The following CAST variants were observed in gnomAD, a reference collection of about 807,000 sequenced individuals.
The protein encoded by CAST is calpastatin.
In CAST, 76 loss-of-function variants were observed where a neutral mutation model predicts 119.6. That is an observed-to-expected ratio of 0.64 (90% CI 0.53 to 0.77). The LOEUF is 0.77. Ranked by LOEUF, CAST falls within the 30% of genes least tolerant of loss-of-function variation. The probability of loss-of-function intolerance (pLI) is 0.00; values close to 1 mark genes in which losing one functional copy is unlikely to be tolerated. For missense variants in CAST, 953 were observed against 946.5 expected (o/e 1.01, Z -0.09); for synonymous variants, 319 against 331.6 (o/e 0.96, Z 0.41).
chr5:96,463,402 T>A, the CAST span, among the ~76,000 whole-genome samples: 1 of 152,052 alleles, frequency 6.6e-6, no homozygotes, highest in African/African-American at 2.4e-5. Flanking sequence ...GCATTTCAAA[T>A]TCTCAAAGTT....
chr5:96,741,572 G>A lies in CAST; in HGVS notation c.1090G>A (p.Val364Met). Residue 364 changes from valine (V) to methionine (M), a missense_variant, in exon 15 of 32, where the codon GTG becomes ATG. Coordinates refer to ENST00000675179, the MANE Select transcript of CAST (RefSeq NM_001750.7). ...TCCACCCCAAGAGAAGAAAAGAAAG[G>A]TGGAGAAGGTATAGTCACAGTCTAC... ...AAPPQEKKRK[V>M]EKDTMSDQAL... The A allele has an allele frequency of 6.2e-7, 1 of 1,611,008 alleles. No homozygotes were observed.
the CAST span, among the ~76,000 whole-genome samples, chr5:96,366,762 G>A: frequency 2.6e-5 from 4 of 152,080 alleles, no homozygotes; most frequent in South Asian, 2.1e-4. Context: ...GCTTCTTTAC[G>A]ATGGGTTCAA....
At position 96,722,661 on chromosome 5, in the gene CAST, C is replaced by T. The variant is rs754744258; in HGVS notation, c.233C>T (p.Thr78Ile). Residue 78 changes from threonine (T) to isoleucine (I), a missense_variant, in exon 4 of 32, where the codon ACC becomes ATC. Physicochemically the swap from Thr to Ile is moderately conservative, Grantham distance 89 (BLOSUM62 -1). Transcript: ENST00000675179. The part of the protein sequence containing the change: ...ATKVSASSGA[T>I]SKSSSMNPTE... ...TAGGTGTCAGCTTCCTCTGGTGCAA[C>T]CAGCAAGTCTTCCAGTATGAATCCC... 4.3e-6 allele frequency: 7 copies of T among 1,613,300 alleles called. No individual in the cohort carries two copies. Among genetic ancestry groups the T allele is most frequent in the Non-Finnish European group, 5.1e-6 (6 of 1,179,220 alleles).
Position 96,741,318 on chromosome 5 carries a change from G to C in CAST, c.971G>C (p.Cys324Ser). The C allele has an allele frequency of 1.2e-6, 2 of 1,613,496 alleles. No homozygotes were observed. The highest frequency in any genetic ancestry group is 1.3e-5 in the African/African-American group (1 of 75,018). ...GACGCCTTGTCATCTGACTTCACCTGTGGGTCGCCTACAGCTGCTGGAAAG... is the reference window on the plus strand; with the variant it reads ...GACGCCTTGTCATCTGACTTCACCTCTGGGTCGCCTACAGCTGCTGGAAAG... ...AIDALSSDFT[C>S]GSPTAAGKKT... The change falls in exon 14 of 32, where the codon TGT becomes TCT. Residue 324 changes from cysteine to serine, a missense_variant. Physicochemically the swap from Cys to Ser is moderately radical, Grantham distance 112. Transcript: ENST00000675179.
chr5:96,315,856 T>A, the CAST span, among the ~76,000 whole-genome samples: 1 of 152,102 alleles, frequency 6.6e-6, no homozygotes, highest in African/African-American at 2.4e-5. Flanking sequence ...ATGGCCATGC[T>A]GGAGTAGTCA....
chr5:96,046,822 T>A, the CAST span, among the ~76,000 whole-genome samples: 1 of 152,262 alleles, frequency 6.6e-6, no homozygotes, highest in East Asian at 1.9e-4. Context: ...AGGCACTTCT[T>A]ACGTGGCAGC....
At chr5:96,391,490 G>A in the CAST span, 2 of 152,184 alleles carry the variant, frequency 1.3e-5, no homozygotes, top group African/African-American at 4.8e-5. Flanking sequence ...GATCATCCAG[G>A]TGAGGTGAGA....
the CAST span, among the ~76,000 whole-genome samples, chr5:96,219,938 G>C: frequency 1.3e-5 from 2 of 152,178 alleles, no homozygotes; most frequent in African/African-American, 4.8e-5. Context: ...CTGTACAAAG[G>C]TTTTAAGGTC....
At chr5:96,312,073 T>C in the CAST span, among the ~76,000 whole-genome samples, 12 of 152,212 alleles carry the variant, frequency 7.9e-5, no homozygotes, top group Middle Eastern at 3.4e-3. Flanking sequence ...TATTTTTGTT[T>C]TGTTTGTCTC....
chr5:96,366,221 T>C, the CAST span, among the ~76,000 whole-genome samples: 5 of 152,342 alleles, frequency 3.3e-5, no homozygotes, highest in South Asian at 8.3e-4. Context: ...GGGCTTCCCT[T>C]TGTGGGTAAT....
the CAST span, chr5:96,392,938 C>G: frequency 6.4e-7 from 1 of 1,550,898 alleles, no homozygotes; most frequent in Non-Finnish European, 8.9e-7. Flanking sequence ...ACTTCAGACA[C>G]AGGCAAAATC....
the CAST span, among the ~76,000 whole-genome samples, chr5:96,020,817 C>A: frequency 1.3e-5 from 1 of 75,330 alleles, no homozygotes; most frequent in Non-Finnish European, 2.6e-5. Flanking sequence ...CCCAAACCAT[C>A]CCCCACCCCC....
chr5:96,463,416 T>G, the CAST span, among the ~76,000 whole-genome samples: 1 of 152,038 alleles, frequency 6.6e-6, no homozygotes, highest in Non-Finnish European at 1.5e-5. Flanking sequence ...CAAAGTTAAC[T>G]TTGAGAGCAC....
At chr5:96,066,731 C>G in the CAST span, among the ~76,000 whole-genome samples, 2 of 151,990 alleles carry the variant, frequency 1.3e-5, no homozygotes, top group Admixed American at 6.5e-5. Flanking sequence ...GTGATCATAC[C>G]TTACTGCAAG....
chr5:96,428,965 T>A, the CAST span, among the ~76,000 whole-genome samples: 1 of 152,138 alleles, frequency 6.6e-6, no homozygotes, highest in Non-Finnish European at 1.5e-5. Flanking sequence ...TAGATATATA[T>A]GTAATTATAT....
At chr5:96,409,561 A>G in the CAST span, among the ~76,000 whole-genome samples, 3 of 152,210 alleles carry the variant, frequency 2.0e-5, no homozygotes, top group Non-Finnish European at 2.9e-5. Flanking sequence ...AAGATAGAAA[A>G]TCTTTCTTCT....
the CAST span, among the ~76,000 whole-genome samples, chr5:96,187,570 C>G: frequency 2.0e-5 from 3 of 152,142 alleles, no homozygotes; most frequent in Non-Finnish European, 2.9e-5. Flanking sequence ...TTTCAAAGAA[C>G]TTCTTGTTTT....
intron 24 of CAST, chr5:96,761,438 T>G (rs1192009170): frequency 6.6e-6 from 1 of 152,146 alleles, no homozygotes; most frequent in Non-Finnish European, 1.5e-5. Flanking sequence ...GTTATCTAAA[T>G]TAGTTTAAAT....
chr5:96,716,525 TG>T (rs1232767582), intron 3 of CAST, among the ~76,000 whole-genome samples: 2 of 152,178 alleles, frequency 1.3e-5, no homozygotes, highest in African/African-American at 4.8e-5. Flanking sequence ...GCTCCGGGGA[TG>T]GGGATGGGGA....
Sources: allele counts gnomAD v4.1 joint callset (sites outside exome capture counted in the v4.1 genomes callset), GRCh38; gene constraint gnomAD v4.1.1; transcripts MANE v1.5; gene names NCBI Gene and HGNC (gene_info 2026-07-23, HGNC 2026-07-21).